SEMA3A: variants seen among roughly 807,000 people sequenced by gnomAD.
The protein encoded by SEMA3A is semaphorin 3A.
SEMA3A carries 29 observed loss-of-function variants against 97.9 expected under a neutral mutation model. That is an observed-to-expected ratio of 0.30 (90% CI 0.22 to 0.40). SEMA3A has a LOEUF of 0.40. Ranked by LOEUF, SEMA3A falls within the 10% of genes least tolerant of loss-of-function variation. The probability of loss-of-function intolerance (pLI) is 1.00; values close to 1 mark genes in which losing one functional copy is unlikely to be tolerated. For synonymous variants in SEMA3A, 321 were observed against 323.7 expected (o/e 0.99, Z 0.09); for missense variants, 763 against 951.3 (o/e 0.80, Z 2.60).
At chr7:84,088,283 G>A (rs1490308556) in intron 4 of SEMA3A, among the ~76,000 whole-genome samples, 1 of 151,894 alleles carries the variant, frequency 6.6e-6, no homozygotes, top group Non-Finnish European at 1.5e-5. Flanking sequence ...GTGAAACCCC[G>A]TCTCTACTAA....
At chr7:84,107,269 T>A (rs1241408457) in intron 4 of SEMA3A, among the ~76,000 whole-genome samples, 2 of 152,170 alleles carry the variant, frequency 1.3e-5, no homozygotes, top group Non-Finnish European at 2.9e-5. Flanking sequence ...GTGTTTTAAG[T>A]AAAATATAGA....
intron 12 of SEMA3A, among the ~76,000 whole-genome samples, chr7:83,994,068 A>G (rs968567435): frequency 8.0e-5 from 12 of 150,052 alleles, no homozygotes; most frequent in Non-Finnish European, 1.6e-4. Context: ...CATTCATTTC[A>G]TCTTCCATCG....
intron 1 of SEMA3A, among the ~76,000 whole-genome samples, chr7:84,143,173 C>T (rs1796347841): frequency 6.6e-6 from 1 of 152,056 alleles, no homozygotes; most frequent in Non-Finnish European, 1.5e-5. Context: ...TTATATACTG[C>T]CCCCAGAGTA....
rs185508525 is a variant in SEMA3A, at chr7:84,398,501, G to C, written c.-245-26601C>G. Among the ~76,000 whole-genome samples, 261 of 152,146 alleles carry C rather than the reference G, an allele frequency of 1.7e-3. 3 individuals carry two copies. The highest frequency in any genetic ancestry group is 5.4e-3 in the South Asian group (26 of 4,832). On this transcript the variant is annotated intron_variant, in intron 1 of 3. Coordinates refer to the SEMA3A transcript ENST00000424555. ...CGTTAAAAATCAAACTTAAGGTCTA[G>C]TAATCCTAGTATTTGGGAAGCTGAG...
At chr7:84,241,411 A>G (rs905131090) in intron 3 of SEMA3A, among the ~76,000 whole-genome samples, 6 of 152,038 alleles carry the variant, frequency 3.9e-5, no homozygotes, top group African/African-American at 4.8e-5. Flanking sequence ...TTCTTTTGAG[A>G]AGTGTCTGCT....
chr7:84,213,286 AT>A (rs995251838), intron 3 of SEMA3A, among the ~76,000 whole-genome samples: 18 of 151,054 alleles, frequency 1.2e-4, no homozygotes, highest in African/African-American at 4.4e-4. Flanking sequence ...CTGTTTCTTA[AT>A]TTTTTTTTAA....
intron 1 of SEMA3A, among the ~76,000 whole-genome samples, chr7:84,151,349 T>G (rs1796662539): frequency 6.6e-6 from 1 of 150,802 alleles, no homozygotes; most frequent in African/African-American, 2.4e-5. Flanking sequence ...TGAAAAAAAT[T>G]TAGAAGAATG....
intron 1 of SEMA3A, among the ~76,000 whole-genome samples, chr7:84,399,935 G>A (rs1047365184): frequency 2.0e-5 from 3 of 152,164 alleles, no homozygotes; most frequent in Non-Finnish European, 4.4e-5. Flanking sequence ...ATAGAGAGAG[G>A]CTCTTTCTAC....
At chr7:84,327,883 T>A (rs1482945204) in intron 2 of SEMA3A, among the ~76,000 whole-genome samples, 2 of 151,996 alleles carry the variant, frequency 1.3e-5, no homozygotes, top group African/African-American at 4.8e-5. Flanking sequence ...TTTCGCTAGA[T>A]TTTTTAGCCA....
chr7:84,143,420 C>T (rs1796357338), intron 1 of SEMA3A, among the ~76,000 whole-genome samples: 1 of 152,088 alleles, frequency 6.6e-6, no homozygotes, highest in South Asian at 2.1e-4. Flanking sequence ...TCTGGCATGT[C>T]TCTCCATATA....
intron 14 of SEMA3A, among the ~76,000 whole-genome samples, chr7:83,980,873 T>C (rs1789387323): frequency 6.6e-6 from 1 of 151,952 alleles, no homozygotes; most frequent in Admixed American, 6.6e-5. Flanking sequence ...TAAAATGTAA[T>C]ATTTTCAAAA....
intron 5 of SEMA3A, among the ~76,000 whole-genome samples, chr7:84,060,005 G>A (rs1037142584): frequency 3.3e-5 from 5 of 152,106 alleles, no homozygotes; most frequent in African/African-American, 1.2e-4. Context: ...AATGAAAAGA[G>A]GAGAAAGCTA....
intron 2 of SEMA3A, among the ~76,000 whole-genome samples, chr7:84,361,263 G>A (rs1307880823): frequency 6.6e-6 from 1 of 152,032 alleles, no homozygotes; most frequent in African/African-American, 2.4e-5. Flanking sequence ...TGCTGAGAAT[G>A]TTTCTAAGAA....
intron 1 of SEMA3A, among the ~76,000 whole-genome samples, chr7:84,453,239 C>CT (rs774894152): frequency 0.18 from 23,500 of 128,838 alleles, 2,132 homozygotes; most frequent in Middle Eastern, 0.23. Context: ...GACTTTGTTT[C>CT]TTTTTTTTTT....
intron 3 of SEMA3A, among the ~76,000 whole-genome samples, chr7:84,206,961 A>G (rs1462566359): frequency 1.3e-5 from 2 of 152,130 alleles, no homozygotes; most frequent in East Asian, 3.9e-4. Context: ...TAAATATTCA[A>G]TTATTTACAA....
At chr7:84,427,428 C>A (rs1804855552) in intron 1 of SEMA3A, among the ~76,000 whole-genome samples, 2 of 151,598 alleles carry the variant, frequency 1.3e-5, no homozygotes, top group Admixed American at 6.6e-5. Context: ...GCGGGTAGAT[C>A]ACAATGTCAG....
chr7:84,220,067 T>G lies in SEMA3A; in HGVS notation c.-82-25399A>C, dbSNP rs111764733. Among the ~76,000 whole-genome samples the G allele has an allele frequency of 3.3e-5, 5 of 152,324 alleles. 1 individual carries two copies. Among genetic ancestry groups the G allele is most frequent in the African/African-American group, 1.2e-4 (5 of 41,586 alleles). On this transcript the variant is annotated intron_variant, in intron 3 of 3. Transcript: ENST00000424555. ...GAGCATTTTAGCCCAGTGGAATTTC[T>G]TTCAAAATGTCTCAAACCCTGCCCA...
intron 1 of SEMA3A, among the ~76,000 whole-genome samples, chr7:84,467,465 A>G (rs1484417779): frequency 6.7e-6 from 1 of 149,864 alleles, no homozygotes. Flanking sequence ...GAGATTGCAG[A>G]CAGCTGAGGA....
intron 4 of SEMA3A, among the ~76,000 whole-genome samples, chr7:84,107,648 G>C (rs567528388): frequency 6.6e-6 from 1 of 152,194 alleles, no homozygotes; most frequent in African/African-American, 2.4e-5. Context: ...CCTGGTAAAT[G>C]GCCTGGCTCC....
Sources: gnomAD v4.1 joint callset for allele counts (sites outside exome capture counted in the v4.1 genomes callset) on GRCh38, gnomAD v4.1.1 for gene constraint, MANE v1.5 for transcripts, NCBI Gene and HGNC (gene_info 2026-07-23, HGNC 2026-07-21) for gene names.